SUMF2: variants seen among roughly 807,000 people sequenced by gnomAD.
SUMF2 encodes sulfatase modifying factor 2, also known as inactive C-alpha-formylglycine-generating enzyme 2.
In SUMF2, 45 loss-of-function variants were observed where a neutral mutation model predicts 44.8. That is an observed-to-expected ratio of 1.00 (90% CI 0.79 to 1.29). The LOEUF is 1.29. Among genes scored for constraint, SUMF2 ranks in the 50% most tolerant of loss-of-function variants. The pLI is 0.00. For synonymous variants in SUMF2, 148 were observed against 150.4 expected, an observed-to-expected ratio of 0.98 and a Z score of 0.12; for missense variants, 418 against 389.9, an observed-to-expected ratio of 1.07 and a Z score of -0.61.
At position 56,074,858 on chromosome 7, in the gene SUMF2, G is replaced by A. The variant is rs550706691; in HGVS notation, c.535+122G>A. 4 of 1,291,022 alleles carry A rather than the reference G, an allele frequency of 3.1e-6. No individual in the cohort carries two copies. In the Admixed American group the frequency reaches 8.5e-5, roughly 28 times the overall value. 80.0% of individuals were successfully genotyped at this position (1,291,022 alleles called of 1,614,324 possible). A position where few individuals can be genotyped will look rare whatever the true frequency, so the allele number is the denominator to read the frequency against. ...TATGCCTGTAATCCCAACACTTTGG[G>A]AGGCTGGGGCAGGAGGATCGCTTGA... On this transcript the variant is annotated intron_variant, in intron 5 of 8. Transcript: ENST00000434526.
At chr7:56,071,820 A>T (rs564016394) in intron 2 of SUMF2, among the ~76,000 whole-genome samples, 9 of 144,452 alleles carry the variant, frequency 6.2e-5, no homozygotes, top group Non-Finnish European at 1.1e-4. Flanking sequence ...AAATAATTAA[A>T]TAAAAAATAA....
chr7:56,070,036 G>A (rs1408390364), intron 2 of SUMF2, among the ~76,000 whole-genome samples: 2 of 151,936 alleles, frequency 1.3e-5, no homozygotes, highest in Non-Finnish European at 1.5e-5. Flanking sequence ...AGCCTCCTGA[G>A]TAGCTGGGAT....
downstream of SUMF2, chr7:56,083,801 G>A: frequency 2.3e-6 from 2 of 877,606 alleles, no homozygotes; most frequent in Non-Finnish European, 3.8e-6. Context: ...CTTCCACCCT[G>A]ATACCTCTAG....
downstream of SUMF2, among the ~76,000 whole-genome samples, chr7:56,082,836 G>A (rs543397878): frequency 1.3e-5 from 2 of 152,124 alleles, no homozygotes; most frequent in African/African-American, 4.8e-5. Flanking sequence ...TGCTGGGCAT[G>A]GTGGCTCACG....
chr7:56,084,257 CAG>C (rs1438242370), downstream of SUMF2: 3 of 1,454,550 alleles, frequency 2.1e-6, no homozygotes, highest in Admixed American at 5.9e-5. Flanking sequence ...GTGGAAGTGA[CAG>C]TGTGGACTGG....
chr7:56,074,730 T>C lies in SUMF2; in HGVS notation c.529T>C (p.Leu177=), dbSNP rs769696208. 6.2e-7 allele frequency: 1 copy of C among 1,614,112 alleles called. No individual in the cohort carries two copies. Among genetic ancestry groups the C allele is most frequent in the South Asian group, 1.1e-5 (1 of 91,084 alleles). The part of the protein sequence containing the change: ...EEWEFAARGG[L]KGQVYPWGNW... ...GTGGGAGTTTGCCGCCCGAGGGGGC[T>C]TGAAGGGTATCCAGATGATAAGGCG... The change falls in exon 5 of 9, where the codon TTG becomes CTG. Residue 177 remains leucine (L), a synonymous_variant. Coordinates refer to ENST00000434526, the MANE Select transcript of SUMF2 (RefSeq NM_015411.4).
At position 56,078,423 on chromosome 7, in the gene SUMF2, G is replaced by A; in HGVS notation, c.736G>A (p.Glu246Lys). Reference sequence around the variant, plus strand: ...GACAGCATCACCGTACCAGGCTGCTGAGCAGGACATGCGCGTCCTCCGGGG... The same window carrying A: ...GACAGCATCACCGTACCAGGCTGCTAAGCAGGACATGCGCGTCCTCCGGGG... ...EWTASPYQAAEQDMRVLRGAS... is the reference protein window; with the variant it reads ...EWTASPYQAAKQDMRVLRGAS... The change falls in exon 8 of 9, where the codon GAG (glutamate) becomes AAG (lysine). Residue 246 changes from glutamate (E) to lysine (K), a missense_variant. Glu to Lys is a moderately conservative substitution (Grantham distance 56, BLOSUM62 1). Transcript: ENST00000434526. 6.2e-7 allele frequency: 1 copy of A among 1,612,248 alleles called. No individual in the cohort carries two copies. Among genetic ancestry groups the A allele is most frequent in the Non-Finnish European group, 8.5e-7 (1 of 1,178,996 alleles).
chr7:56,081,630 C>T, downstream of SUMF2: 4 of 1,613,564 alleles, frequency 2.5e-6, no homozygotes, highest in Non-Finnish European at 3.4e-6. The surrounding 1 kb of genome is among the most constrained non-coding windows in gnomAD (Gnocchi z 4.6). Context: ...CGCTTAGTAC[C>T]TTGAACTTCC....
At chr7:56,087,103 C>G in the SUMF2 span, 4 of 1,072,556 alleles carry the variant, frequency 3.7e-6, no homozygotes, top group African/African-American at 1.6e-5. Context: ...GGTCAGGGAC[C>G]GAGGCTGCTG....
At chr7:56,087,688 T>C in the SUMF2 span, 1 of 1,614,026 alleles carries the variant, frequency 6.2e-7, no homozygotes, top group East Asian at 2.2e-5. Flanking sequence ...GGGCTGAAGC[T>C]GCCTCCACCG....
At chr7:56,083,948 T>A (rs1796140088), downstream of SUMF2, among the ~76,000 whole-genome samples, 1 of 152,148 alleles carries the variant, frequency 6.6e-6, no homozygotes, top group Non-Finnish European at 1.5e-5. Context: ...CAGGCTCTCA[T>A]CAACCCTCCG....
chr7:56,065,791 A>G (rs552966252), intron 1 of SUMF2, among the ~76,000 whole-genome samples: 2 of 152,154 alleles, frequency 1.3e-5, no homozygotes, highest in South Asian at 2.1e-4. Flanking sequence ...TGTGAAAGAA[A>G]CTGAAAATGG....
Position 56,068,039 on chromosome 7 carries a change from T to C in SUMF2, c.68-443T>C, listed in dbSNP as rs1187665552. On this transcript the variant is annotated intron_variant, in intron 1 of 8. Transcript: ENST00000434526. ...ATTTTCTTTTTTTCTTTCTTTTTTT[T>C]TTTTTTTTTTTTTGAGACAGAGTCT... 4.4e-4 allele frequency among the ~76,000 whole-genome samples: 64 copies of C among 145,124 alleles called. 1 individual carries two copies. The highest frequency in any genetic ancestry group is 2.0e-3 in the South Asian group (9 of 4,468).
rs752804301 is a variant in SUMF2 at position 56,076,839 on chromosome 7, G to C, written c.541G>C (p.Val181Leu). ...CCTCCTTGCTCTCCTCGCAGGTCAA[G>C]TTTACCCATGGGGGAACTGGTTCCA... ...FAARGGLKGQ[V>L]YPWGNWFQPN... is the part of the protein sequence containing the mutation. Residue 181 changes from valine (V) to leucine (L), a missense_variant, in exon 6 of 9, where the codon GTT becomes CTT. Physicochemically the swap from Val to Leu is conservative, Grantham distance 32. Transcript: ENST00000434526. 2 of 1,597,408 alleles carry C rather than the reference G, an allele frequency of 1.3e-6. No homozygotes were observed. Among genetic ancestry groups the C allele is most frequent in the East Asian group, 4.6e-5 (2 of 43,730 alleles).
chr7:56,067,527 T>A (rs1415039400), intron 1 of SUMF2, among the ~76,000 whole-genome samples: 1 of 152,094 alleles, frequency 6.6e-6, no homozygotes, highest in Non-Finnish European at 1.5e-5. Flanking sequence ...ATTATCCCTA[T>A]TTTTCATACT....
chr7:56,078,326 G>C, intron 7 of SUMF2, 38 bp from the exon 8 acceptor site: 3 of 1,559,536 alleles, frequency 1.9e-6, no homozygotes, highest in Non-Finnish European at 1.7e-6. Flanking sequence ...GGTGGTCGGC[G>C]GGTCCCAGCC....
intron 1 of SUMF2, 79 bp from the exon 2 acceptor site, chr7:56,068,403 G>T: frequency 7.5e-7 from 1 of 1,334,466 alleles, no homozygotes; most frequent in Non-Finnish European, 1.0e-6. Context: ...ACCATCATGA[G>T]TATTGCATAT....
downstream of SUMF2, chr7:56,080,953 C>T: frequency 7.2e-7 from 1 of 1,389,318 alleles, no homozygotes; most frequent in Non-Finnish European, 9.8e-7. Context: ...GGGCCAAGTG[C>T]TCCTTCTGCA....
chr7:56,080,831 A>AC, downstream of SUMF2: 1 of 588,924 alleles, frequency 1.7e-6, no homozygotes, highest in Non-Finnish European at 3.0e-6. Context: ...ATCTCTGCCC[A>AC]CCCAGGGCCT....
Sources: gnomAD v4.1 joint callset for allele counts (sites outside exome capture counted in the v4.1 genomes callset) on GRCh38, gnomAD v4.1.1 for gene constraint, Gnocchi (gnomAD v3.1) non-coding constraint, MANE v1.5 for transcripts, NCBI Gene and HGNC (gene_info 2026-07-23, HGNC 2026-07-21) for gene names.